MCFD2: variants seen among roughly 807,000 people sequenced by gnomAD.
MCFD2 encodes the protein multiple coagulation factor deficiency 2, ER cargo receptor complex subunit, also known as multiple coagulation factor deficiency protein 2.
Under a neutral mutation model 12.8 loss-of-function variants are expected in MCFD2, and 11 were observed. The observed-to-expected ratio is 0.86, with a 90% CI of 0.54 to 1.42. The LOEUF is 1.42. Ranked by LOEUF, MCFD2 falls within the 40% of genes most tolerant of loss-of-function variation. The pLI is 0.00. For missense variants in MCFD2, 191 were observed against 178.6 expected (o/e 1.07, Z -0.40); for synonymous variants, 70 against 68.1 (o/e 1.03, Z -0.14).
At chr2:46,922,056 A>G (rs758306879) in intron 1 of MCFD2, among the ~76,000 whole-genome samples, 1 of 152,178 alleles carries the variant, frequency 6.6e-6, no homozygotes, top group African/African-American at 2.4e-5. Context: ...TTGGTTTTAT[A>G]TTTGAGTGGA....
chr2:46,936,661 A>G (rs907090995), intron 1 of MCFD2, among the ~76,000 whole-genome samples: 3 of 152,064 alleles, frequency 2.0e-5, no homozygotes, highest in Admixed American at 6.6e-5. Flanking sequence ...CTGTCACCCA[A>G]ATGTGTACAC....
chr2:46,928,636 G>A (rs1163546378), intron 1 of MCFD2, among the ~76,000 whole-genome samples: 1 of 152,082 alleles, frequency 6.6e-6, no homozygotes, highest in East Asian at 1.9e-4. Flanking sequence ...CAGATGTGGT[G>A]ACACACACCT....
At position 46,941,511 on chromosome 2, in the gene MCFD2, C is replaced by T. The variant is rs1411621515; in HGVS notation, c.-8+61G>A. ...CCCCGGCCGGGTCTCCACTTCTTGG[C>T]CGCACCTTCCATGACAGCGCCCGCG... is the stretch of plus-strand genomic sequence containing the variant. On this transcript the variant is annotated intron_variant, in intron 1 of 2. Coordinates refer to the MCFD2 transcript ENST00000409147. This position sits in a 1 kb window ranked among gnomAD's most constrained non-coding sequence, Gnocchi z 4.2. The T allele has an allele frequency of 1.9e-6, 3 of 1,547,382 alleles. No individual in the cohort carries two copies. Among genetic ancestry groups the T allele is most frequent in the Non-Finnish European group, 2.6e-6 (3 of 1,145,878 alleles).
chr2:46,919,469 G>A (rs978239776), upstream of MCFD2, among the ~76,000 whole-genome samples: 7 of 152,248 alleles, frequency 4.6e-5, no homozygotes, highest in African/African-American at 1.7e-4. Context: ...GGCAGCAGAG[G>A]TTGAGGTGAG....
chr2:46,920,867 CAG>C (rs1054282921), intron 1 of MCFD2, among the ~76,000 whole-genome samples: 1 of 151,654 alleles, frequency 6.6e-6, no homozygotes, highest in Non-Finnish European at 1.5e-5. Flanking sequence ...TACAAAACTT[CAG>C]AGTTATTTTC....
intron 1 of MCFD2, among the ~76,000 whole-genome samples, chr2:46,933,686 G>T (rs1669825994): frequency 6.6e-6 from 1 of 152,246 alleles, no homozygotes; most frequent in African/African-American, 2.4e-5. Flanking sequence ...CCATGCACAT[G>T]ACTACATAAA....
rs776259833 is a variant in MCFD2 at position 46,941,703 on chromosome 2, A to C, written c.-139T>G. ...GTAACAGGCGAGGCAGCCCGAGCGC[A>C]GCGTTCACCTTTCCGGACACCGGTG... On this transcript the variant is annotated 5_prime_UTR_variant, in exon 1 of 3. Transcript: ENST00000409147. The surrounding 1 kb of genome is among the most constrained non-coding windows in gnomAD (Gnocchi z 4.2). 2.6e-5 allele frequency: 41 copies of C among 1,550,604 alleles called. No individual in the cohort carries two copies. Among genetic ancestry groups the C allele is most frequent in the Non-Finnish European group, 3.5e-5 (40 of 1,147,364 alleles).
intron 1 of MCFD2, 73 bp from the exon 2 acceptor site, chr2:46,909,250 A>G: frequency 3.3e-6 from 5 of 1,517,304 alleles, no homozygotes; most frequent in East Asian, 2.4e-5. Context: ...TTGACATGGT[A>G]TGATCCTGGG....
chr2:46,926,299 A>G (rs369486166), intron 1 of MCFD2, among the ~76,000 whole-genome samples: 1 of 152,238 alleles, frequency 6.6e-6, no homozygotes, highest in African/African-American at 2.4e-5. Context: ...GCCATTGCCC[A>G]GGTACTGTGC....
intron 1 of MCFD2, among the ~76,000 whole-genome samples, chr2:46,925,030 C>A (rs1669314719): frequency 6.6e-6 from 1 of 152,192 alleles, no homozygotes. Flanking sequence ...AACAAATTGG[C>A]CTTTAGGGAT....
chr2:46,905,742 C>T lies in MCFD2; in HGVS notation c.310-148G>A, dbSNP rs1021402830. ...GAAAAACAAAACAACAAAATATCCACGCTCATATGTGTCCAAAAACTTTCA... is the reference window on the plus strand; with the variant it reads ...GAAAAACAAAACAACAAAATATCCATGCTCATATGTGTCCAAAAACTTTCA... On this transcript the variant is annotated intron_variant, in intron 3 of 3. Coordinates refer to ENST00000319466, the MANE Select transcript of MCFD2 (RefSeq NM_139279.6). 85 of 815,852 alleles carry T rather than the reference C, an allele frequency of 1.0e-4. No homozygotes were observed. The Admixed American group carries it at 1.6e-3, about 15-fold the overall frequency. 50.5% of individuals were successfully genotyped at this position (815,852 alleles called of 1,614,324 possible).
chr2:46,927,549 A>G (rs1462547366), intron 1 of MCFD2, among the ~76,000 whole-genome samples: 2 of 151,700 alleles, frequency 1.3e-5, no homozygotes, highest in Non-Finnish European at 1.5e-5. Flanking sequence ...TTTAGTGGAG[A>G]CAGGGTTTCA....
Position 46,908,922 on chromosome 2 carries a change from GA to G in MCFD2, c.149+100del. On this transcript the variant is annotated intron_variant, in intron 2 of 3. Transcript: ENST00000319466. The surrounding 1 kb of genome is among the most constrained non-coding windows in gnomAD (Gnocchi z 4.5). ...CCTTGAAGAATGTCAAGGAGCCATA[GA>G]AACAGGAAGAAGGAAAGGAGGACTG... 6.9e-7 allele frequency: 1 copy of G among 1,454,974 alleles called. No homozygotes were observed. Among genetic ancestry groups the G allele is most frequent in the Non-Finnish European group, 9.7e-7 (1 of 1,035,970 alleles). The allele number at this position is 1,454,974 out of a possible 1,614,324, so 90.1% of individuals were successfully genotyped here.
rs779843864 is a variant in MCFD2 at position 46,912,353 on chromosome 2, C to T, written c.-6-3176G>A. Reference sequence around the variant, plus strand: ...GACTGTCTCAAAAAAATTTTTTAAACGTGTCCAGACCCTGACAAGGCCACT... The same window carrying T: ...GACTGTCTCAAAAAAATTTTTTAAATGTGTCCAGACCCTGACAAGGCCACT... On this transcript the variant is annotated intron_variant, in intron 1 of 3. Transcript: ENST00000319466. Among the ~76,000 whole-genome samples, 31 of 152,116 alleles carry T rather than the reference C, an allele frequency of 2.0e-4. 1 individual carries two copies. The highest frequency in any genetic ancestry group is 5.3e-4 in the African/African-American group (22 of 41,416).
At chr2:46,919,455 C>G (rs1369035022), upstream of MCFD2, among the ~76,000 whole-genome samples, 1 of 152,242 alleles carries the variant, frequency 6.6e-6, no homozygotes, top group Non-Finnish European at 1.5e-5. Flanking sequence ...ATTGCTTGAA[C>G]CCGGGCAGCA....
chr2:46,939,677 C>T (rs1239398514), intron 1 of MCFD2, among the ~76,000 whole-genome samples: 1 of 152,174 alleles, frequency 6.6e-6, no homozygotes, highest in Non-Finnish European at 1.5e-5. Flanking sequence ...CTGTTCACTC[C>T]CTGCCCCAGG....
chr2:46,936,083 C>T (rs868022394), intron 1 of MCFD2, among the ~76,000 whole-genome samples: 18 of 152,050 alleles, frequency 1.2e-4, no homozygotes, highest in African/African-American at 4.1e-4. Flanking sequence ...AGAGCAAGAC[C>T]CTGTCTCTAA....
chr2:46,934,811 T>TTTTTTC (rs1669890291), intron 1 of MCFD2, among the ~76,000 whole-genome samples: 1 of 132,402 alleles, frequency 7.6e-6, no homozygotes, highest in African/African-American at 2.9e-5. Flanking sequence ...TTTTTTTTTT[T>TTTTTTC]TTTTTTTTGA....
At chr2:46,929,884 A>G (rs1669600525) in intron 1 of MCFD2, among the ~76,000 whole-genome samples, 1 of 152,218 alleles carries the variant, frequency 6.6e-6, no homozygotes, top group Non-Finnish European at 1.5e-5. Context: ...GAATCAACAT[A>G]TGGTTCACCA....
Sources: gnomAD v4.1 joint callset for allele counts (sites outside exome capture counted in the v4.1 genomes callset) on GRCh38, gnomAD v4.1.1 for gene constraint, Gnocchi (gnomAD v3.1) non-coding constraint, MANE v1.5 for transcripts, NCBI Gene and HGNC (gene_info 2026-07-23, HGNC 2026-07-21) for gene names.